Variants in CCDC91 observed in about 807,000 individuals in gnomAD.
The protein encoded by CCDC91 is coiled-coil domain containing 91.
In CCDC91, 48 loss-of-function variants were observed where a neutral mutation model predicts 63.2. The ratio of observed to expected loss-of-function variants is 0.76; its 90% CI spans 0.60 to 0.97. CCDC91 has a LOEUF of 0.97. CCDC91 is among the 50% of genes least tolerant of loss of function. The probability of loss-of-function intolerance (pLI) is 0.00; values close to 1 mark genes in which losing one functional copy is unlikely to be tolerated. For synonymous variants in CCDC91, 167 were observed against 165.8 expected, an observed-to-expected ratio of 1.01 and a Z score of -0.06; for missense variants, 500 against 494.6, an observed-to-expected ratio of 1.01 and a Z score of -0.10.
chr12:28,229,463 A>G (rs1394820425), intron 1 of CCDC91, among the ~76,000 whole-genome samples: 2 of 152,196 alleles, frequency 1.3e-5, no homozygotes, highest in Non-Finnish European at 2.9e-5. Context: ...CTACTTTAGG[A>G]AAGCCTTTGT....
At chr12:28,303,256 A>C (rs1209741177) in intron 3 of CCDC91, among the ~76,000 whole-genome samples, 1 of 152,108 alleles carries the variant, frequency 6.6e-6, no homozygotes, top group African/African-American at 2.4e-5. Flanking sequence ...TGAACTGTTG[A>C]AGAATTTTTG....
intron 6 of CCDC91, among the ~76,000 whole-genome samples, chr12:28,311,222 A>G (rs943345993): frequency 1.4e-4 from 22 of 152,006 alleles, no homozygotes; most frequent in African/African-American, 4.8e-4. Flanking sequence ...GCCTTAGCAG[A>G]TACATCCCTG....
chr12:28,338,620 G>C (rs1303139257), intron 6 of CCDC91, among the ~76,000 whole-genome samples: 1 of 151,822 alleles, frequency 6.6e-6, no homozygotes, highest in East Asian at 1.9e-4. Flanking sequence ...TCTTATTGAC[G>C]TAGAAAGCTA....
Position 28,259,280 on chromosome 12 carries a change from G to A in CCDC91, c.31-84G>A, listed in dbSNP as rs561133684. 6 of 926,626 alleles carry A rather than the reference G, an allele frequency of 6.5e-6. No individual in the cohort carries two copies. In the East Asian group the frequency reaches 9.7e-5, roughly 15 times the overall value. 57.4% of individuals were successfully genotyped at this position (926,626 alleles called of 1,614,324 possible). On this transcript the variant is annotated intron_variant, in intron 2 of 12. Coordinates refer to ENST00000536442, the MANE Select transcript of CCDC91 (RefSeq NM_018318.5). ...ATGTCTGGTGTGTTATAGAAGATAT[G>A]CCTATTGAACTGGAATGCTTGATCA...
intron 1 of CCDC91, among the ~76,000 whole-genome samples, chr12:28,193,951 G>A (rs1307411670): frequency 2.6e-5 from 4 of 152,128 alleles, no homozygotes; most frequent in Non-Finnish European, 5.9e-5. Flanking sequence ...ATTCATTATC[G>A]TATATATGTT....
intron 11 of CCDC91, among the ~76,000 whole-genome samples, chr12:28,461,112 A>C (rs1950287688): frequency 6.6e-6 from 1 of 151,986 alleles, no homozygotes; most frequent in Non-Finnish European, 1.5e-5. Context: ...GTGTATCTAA[A>C]CAAAAAAAAA....
chr12:28,315,171 A>ATG (rs1939723300), intron 6 of CCDC91, among the ~76,000 whole-genome samples: 1 of 150,684 alleles, frequency 6.6e-6, no homozygotes, highest in African/African-American at 2.4e-5. Context: ...ATATATATAT[A>ATG]TTTTTGTTTT....
At chr12:28,504,748 A>C (rs1938491176) in intron 12 of CCDC91, among the ~76,000 whole-genome samples, 1 of 151,876 alleles carries the variant, frequency 6.6e-6, no homozygotes, top group Admixed American at 6.6e-5. Flanking sequence ...TGCTTATGTC[A>C]CTTAAAATAT....
At chr12:28,255,281 A>G (rs1206679264) in intron 1 of CCDC91, among the ~76,000 whole-genome samples, 2 of 152,238 alleles carry the variant, frequency 1.3e-5, no homozygotes, top group Non-Finnish European at 2.9e-5. Context: ...GAAAACACAC[A>G]GAAGCATTAC....
chr12:28,420,581 C>A (rs1947942649), intron 8 of CCDC91, among the ~76,000 whole-genome samples: 1 of 152,000 alleles, frequency 6.6e-6, no homozygotes, highest in African/African-American at 2.4e-5. Flanking sequence ...GTTTACATGA[C>A]CCATGGAAAA....
At chr12:28,445,577 A>G (rs1949455837) in intron 8 of CCDC91, among the ~76,000 whole-genome samples, 1 of 152,182 alleles carries the variant, frequency 6.6e-6, no homozygotes, top group African/African-American at 2.4e-5. Flanking sequence ...AACAAGAGGA[A>G]TGGTTGAAAG....
At chr12:28,384,063 A>G (rs1945454547) in intron 7 of CCDC91, among the ~76,000 whole-genome samples, 1 of 152,172 alleles carries the variant, frequency 6.6e-6, no homozygotes, top group Non-Finnish European at 1.5e-5. Flanking sequence ...GGTAACCAAG[A>G]ACAGCATTCA....
chr12:28,325,970 A>G (rs1940957781), intron 6 of CCDC91, among the ~76,000 whole-genome samples: 1 of 152,188 alleles, frequency 6.6e-6, no homozygotes, highest in Admixed American at 6.6e-5. Flanking sequence ...TACATTCTGC[A>G]AGATATTTGA....
At chr12:28,476,905 A>C (rs1046258478) in intron 11 of CCDC91, among the ~76,000 whole-genome samples, 50 of 152,110 alleles carry the variant, frequency 3.3e-4, no homozygotes, top group Non-Finnish European at 5.4e-4. Flanking sequence ...ATACACCCTC[A>C]CAAGACTAAA....
At chr12:28,530,060 G>A (rs1442923209) in intron 12 of CCDC91, among the ~76,000 whole-genome samples, 2 of 152,132 alleles carry the variant, frequency 1.3e-5, no homozygotes, top group Admixed American at 1.3e-4. Context: ...GGCCACAGCA[G>A]TTTCTCCAGT....
intron 1 of CCDC91, among the ~76,000 whole-genome samples, chr12:28,242,178 G>A (rs573218017): frequency 6.6e-6 from 1 of 152,138 alleles, no homozygotes; most frequent in Admixed American, 6.5e-5. Context: ...GGGGTGCCAG[G>A]GGATTTGGTC....
chr12:28,397,323 G>A (rs958748205), intron 8 of CCDC91, among the ~76,000 whole-genome samples: 12 of 152,184 alleles, frequency 7.9e-5, no homozygotes, highest in Non-Finnish European at 1.8e-4. Context: ...AAAGGTGAAA[G>A]TAAAGAAACA....
At chr12:28,441,687 GTATA>G (rs148605668) in intron 8 of CCDC91, among the ~76,000 whole-genome samples, 2 of 144,602 alleles carry the variant, frequency 1.4e-5, no homozygotes, top group Non-Finnish European at 3.0e-5. Flanking sequence ...TATCTCATGT[GTATA>G]TATATATCTC....
chr12:28,540,811 TCTTG>T (rs1225720252), intron 12 of CCDC91, among the ~76,000 whole-genome samples: 1 of 152,124 alleles, frequency 6.6e-6, no homozygotes, highest in African/African-American at 2.4e-5. Flanking sequence ...CATGGTGCAC[TCTTG>T]CTTTCTTTCA....
Sources: allele counts gnomAD v4.1 joint callset (sites outside exome capture counted in the v4.1 genomes callset), GRCh38; gene constraint gnomAD v4.1.1; transcripts MANE v1.5; gene names NCBI Gene and HGNC (gene_info 2026-07-23, HGNC 2026-07-21).